Variants in PSD2 observed in about 807,000 individuals in gnomAD.
PSD2 encodes the protein pleckstrin and Sec7 domain containing 2.
Under a neutral mutation model 69.8 loss-of-function variants are expected in PSD2, and 38 were observed. The ratio of observed to expected loss-of-function variants is 0.54; its 90% CI spans 0.42 to 0.71. The LOEUF (loss-of-function observed/expected upper bound fraction) is 0.71, where lower values mean the gene tolerates loss of function less well. Among genes scored for constraint, PSD2 ranks in the 30% least tolerant of loss-of-function variants. The pLI is 0.00. For missense variants in PSD2, 943 were observed against 1,014.5 expected, an observed-to-expected ratio of 0.93 and a Z score of 0.96; for synonymous variants, 412 against 423.0, an observed-to-expected ratio of 0.97 and a Z score of 0.32.
At chr5:139,766,930 C>CTTCTTTCTTTTTCT in the PSD2 span, among the ~76,000 whole-genome samples, 4 of 44,046 alleles carry the variant, frequency 9.1e-5, no homozygotes, top group African/African-American at 3.1e-4. Context: ...CCTTCCTTCC[C>CTTCTTTCTTTTTCT]TTCTTTCTTT....
chr5:139,828,886 C>T (rs190202437), intron 7 of PSD2, among the ~76,000 whole-genome samples: 20 of 152,268 alleles, frequency 1.3e-4, no homozygotes, highest in African/African-American at 2.9e-4. Flanking sequence ...CTGGCCCTAA[C>T]GTGCCAGGGT....
chr5:139,762,188 G>A, the PSD2 span, among the ~76,000 whole-genome samples: 1 of 151,922 alleles, frequency 6.6e-6, no homozygotes, highest in African/African-American at 2.4e-5. Flanking sequence ...GACTATAGGT[G>A]TGCACCACCA....
chr5:139,785,513 C>T, the PSD2 span, among the ~76,000 whole-genome samples: 367 of 152,326 alleles, frequency 2.4e-3, 1 homozygote, highest in African/African-American at 8.5e-3. Context: ...TGTGGGCCAC[C>T]GTGCCCGGCC....
chr5:139,815,081 A>C (rs955867024), intron 4 of PSD2, among the ~76,000 whole-genome samples: 1 of 152,118 alleles, frequency 6.6e-6, no homozygotes, highest in African/African-American at 2.4e-5. Context: ...GCTGGGAGAC[A>C]GTCCAGACCC....
At chr5:139,835,549 G>T (rs1169123629) in intron 8 of PSD2, among the ~76,000 whole-genome samples, 174 bp from the exon 9 acceptor site, 1 of 152,078 alleles carries the variant, frequency 6.6e-6, no homozygotes, top group Non-Finnish European at 1.5e-5. Flanking sequence ...CCACCCATCC[G>T]TACATCCACC....
intron 5 of PSD2, among the ~76,000 whole-genome samples, chr5:139,820,152 C>G (rs941251166): frequency 2.6e-5 from 4 of 152,082 alleles, no homozygotes; most frequent in African/African-American, 9.7e-5. Context: ...GAGGCTACCC[C>G]TAGGGACAGC....
chr5:139,752,883 C>T, the PSD2 span, among the ~76,000 whole-genome samples: 7 of 152,298 alleles, frequency 4.6e-5, no homozygotes, highest in African/African-American at 7.2e-5. Flanking sequence ...CGCCCCTGCC[C>T]GCGTGGGCTG....
chr5:139,799,277 C>T (rs1359490416), intron 1 of PSD2, among the ~76,000 whole-genome samples: 2 of 152,186 alleles, frequency 1.3e-5, no homozygotes, highest in Non-Finnish European at 2.9e-5. Context: ...GTCAGCAAAT[C>T]TGACTGAACC....
At chr5:139,796,061 G>GA (rs1759517712) in intron 1 of PSD2, 86 bp downstream of exon 1, 1 of 40 alleles carries the variant, frequency 0.025, no homozygotes, top group Non-Finnish European at 0.028. Flanking sequence ...AGGGCCGCGT[G>GA]CGGGTGGGGG....
the PSD2 span, among the ~76,000 whole-genome samples, chr5:139,773,255 A>G: frequency 6.7e-6 from 1 of 150,052 alleles, no homozygotes; most frequent in Non-Finnish European, 1.5e-5. Flanking sequence ...CTTTCTTCCT[A>G]CCTTCCTTCC....
chr5:139,825,102 G>A (rs1444654672), intron 7 of PSD2, among the ~76,000 whole-genome samples: 18 of 152,206 alleles, frequency 1.2e-4, no homozygotes, highest in Non-Finnish European at 2.2e-4. Context: ...ACAAGAAAGG[G>A]AGCCCCACCA....
chr5:139,750,566 T>A, the PSD2 span, among the ~76,000 whole-genome samples: 2 of 152,244 alleles, frequency 1.3e-5, no homozygotes, highest in Admixed American at 6.5e-5. Flanking sequence ...TGGTTCCAGA[T>A]GTGGGGCCTG....
chr5:139,746,714 G>A, the PSD2 span, among the ~76,000 whole-genome samples: 7 of 152,194 alleles, frequency 4.6e-5, no homozygotes, highest in Admixed American at 6.5e-5. This position sits in a 1 kb window ranked among gnomAD's most constrained non-coding sequence, Gnocchi z 4.5. Flanking sequence ...TGGCTTTGCG[G>A]CAGTGTGATG....
chr5:139,791,993 C>T (rs1377835545), upstream of PSD2, among the ~76,000 whole-genome samples: 2 of 152,022 alleles, frequency 1.3e-5, no homozygotes, highest in African/African-American at 2.4e-5. Context: ...AATGAGAGTG[C>T]GTGAAGGGGA....
At chr5:139,747,242 C>A in the PSD2 span, among the ~76,000 whole-genome samples, 1 of 152,080 alleles carries the variant, frequency 6.6e-6, no homozygotes, top group African/African-American at 2.4e-5. This position sits in a 1 kb window ranked among gnomAD's most constrained non-coding sequence, Gnocchi z 6.7. Flanking sequence ...TTGTCTCCCC[C>A]CCTTCAGTTA....
At chr5:139,796,013 C>G (rs889029438) in intron 1 of PSD2, 38 bp downstream of exon 1, 1 of 150,344 alleles carries the variant, frequency 6.7e-6, no homozygotes, top group Non-Finnish European at 1.5e-5. Flanking sequence ...CCGCCCCTCC[C>G]CGCTGGCGGC....
chr5:139,832,978 C>G (rs975383364), intron 7 of PSD2, among the ~76,000 whole-genome samples: 3 of 152,110 alleles, frequency 2.0e-5, no homozygotes, highest in Admixed American at 2.0e-4. Flanking sequence ...CTTGGGTTCT[C>G]TTTGTCCCAG....
chr5:139,816,465 T>A (rs962022346), intron 4 of PSD2, among the ~76,000 whole-genome samples: 1 of 152,200 alleles, frequency 6.6e-6, no homozygotes, highest in African/African-American at 2.4e-5. Flanking sequence ...TTAAGTGCCG[T>A]GTATTTGTTG....
In PSD2 at chr5:139,836,959, G is replaced by A. The variant is rs202188936; in HGVS notation, c.1552G>A (p.Val518Ile). The A allele has an allele frequency of 1.4e-4, 229 of 1,613,830 alleles. 1 individual carries two copies. The highest frequency in any genetic ancestry group is 6.7e-4 in the East Asian group (30 of 44,890). ...ALSATTYKHG[V>I]LTRKTHADMD... ...CAGTGCCACCACCTACAAGCACGGC[G>A]TCCTGACCCGGAAGACTCACGCTGA... Residue 518 changes from valine (V) to isoleucine (I), a missense_variant, in exon 10 of 15, where the codon GTC becomes ATC. Val to Ile is a conservative substitution (Grantham distance 29). Coordinates refer to ENST00000274710, the MANE Select transcript of PSD2 (RefSeq NM_032289.4).
Sources: gnomAD v4.1 joint callset for allele counts (sites outside exome capture counted in the v4.1 genomes callset) on GRCh38, gnomAD v4.1.1 for gene constraint, Gnocchi (gnomAD v3.1) non-coding constraint, MANE v1.5 for transcripts, NCBI Gene and HGNC (gene_info 2026-07-23, HGNC 2026-07-21) for gene names.